MEI4: variants seen among roughly 807,000 people sequenced by gnomAD.
The protein encoded by MEI4 is meiosis-specific protein MEI4.
A neutral mutation model predicts 31.4 loss-of-function variants in MEI4; 27 were observed. The ratio of observed to expected loss-of-function variants is 0.86; its 90% CI spans 0.63 to 1.19. The LOEUF is 1.19. Among genes scored for constraint, MEI4 ranks in the 50% most tolerant of loss-of-function variants. The pLI is 0.00. For missense variants in MEI4, 329 were observed against 398.9 expected (o/e 0.82, Z 1.49); for synonymous variants, 122 against 145.4 (o/e 0.84, Z 1.16).
intron 3 of MEI4, among the ~76,000 whole-genome samples, chr6:77,779,590 C>T (rs774899334): frequency 1.4e-4 from 22 of 152,150 alleles, no homozygotes; most frequent in Non-Finnish European, 2.6e-4. Context: ...GCTTAAGACA[C>T]ACGTGCCTTT....
At chr6:77,792,601 C>A (rs184365088) in intron 3 of MEI4, among the ~76,000 whole-genome samples, 1 of 151,990 alleles carries the variant, frequency 6.6e-6, no homozygotes, top group Non-Finnish European at 1.5e-5. Context: ...AGTAATTTTA[C>A]ATTTTTTGTC....
chr6:77,712,341 A>G (rs1766483648), intron 2 of MEI4, among the ~76,000 whole-genome samples: 2 of 152,210 alleles, frequency 1.3e-5, no homozygotes, highest in South Asian at 4.2e-4. Context: ...AATAATGGGG[A>G]TATTATCTTT....
intron 4 of MEI4, among the ~76,000 whole-genome samples, chr6:77,866,411 T>A (rs994823449): frequency 2.0e-5 from 3 of 152,106 alleles, no homozygotes; most frequent in African/African-American, 7.2e-5. Context: ...TGTACAAAAG[T>A]CACAAGCATT....
chr6:77,908,296 T>G (rs556836770), intron 4 of MEI4, among the ~76,000 whole-genome samples: 2 of 152,200 alleles, frequency 1.3e-5, no homozygotes, highest in Non-Finnish European at 2.9e-5. Flanking sequence ...AACATTTAAG[T>G]CTTTAATCCA....
At chr6:77,849,374 T>C (rs1261821578) in intron 4 of MEI4, among the ~76,000 whole-genome samples, 1 of 152,104 alleles carries the variant, frequency 6.6e-6, no homozygotes, top group East Asian at 1.9e-4. Context: ...AAAGAAAGCA[T>C]TTCAGGTCAG....
intron 2 of MEI4, among the ~76,000 whole-genome samples, chr6:77,713,406 A>G (rs570001978): frequency 1.2e-4 from 15 of 124,898 alleles, no homozygotes; most frequent in Non-Finnish European, 2.6e-4. Context: ...TGAGAATTTT[A>G]TTGTTTAATT....
At position 77,795,775 on chromosome 6, in the gene MEI4, A is replaced by C. The variant is rs572334488; in HGVS notation, c.769-33156A>C. Among the ~76,000 whole-genome samples the C allele has an allele frequency of 4.6e-5, 7 of 151,952 alleles. No homozygotes were observed. In the South Asian group the frequency reaches 1.5e-3, roughly 32 times the overall value. On this transcript the variant is annotated intron_variant, in intron 3 of 4. Transcript: ENST00000684080. ...TAAAGAGATTGCATTGGAAAAAAAA[A>C]AAACTCCCAACAAATAAAAACCCAG...
At chr6:77,686,727 A>T (rs913694797) in intron 1 of MEI4, among the ~76,000 whole-genome samples, 9 of 152,038 alleles carry the variant, frequency 5.9e-5, no homozygotes, top group Non-Finnish European at 1.2e-4. Flanking sequence ...CTGATCATTT[A>T]TTGAAGGTGA....
chr6:77,730,620 A>C (rs1766955415), intron 2 of MEI4, among the ~76,000 whole-genome samples: 1 of 150,422 alleles, frequency 6.6e-6, no homozygotes, highest in Non-Finnish European at 1.5e-5. Flanking sequence ...TTATTTATTT[A>C]TTTACTTTTA....
intron 3 of MEI4, among the ~76,000 whole-genome samples, chr6:77,776,156 GTTTTTT>G (rs71809709): frequency 0.15 from 20,878 of 143,330 alleles, 1,521 homozygotes; most frequent in Middle Eastern, 0.22. Flanking sequence ...TCTGCTAATT[GTTTTTT>G]TTTTGTTTTT....
Position 77,665,007 on chromosome 6 carries a change from G to A in MEI4, c.-15+11915G>A, listed in dbSNP as rs545779570. Among the ~76,000 whole-genome samples the A allele has an allele frequency of 1.3e-3, 193 of 152,012 alleles. 1 individual carries two copies. The highest frequency in any genetic ancestry group is 4.0e-3 in the African/African-American group (166 of 41,420). On this transcript the variant is annotated intron_variant, in intron 1 of 4. Coordinates refer to ENST00000684080, the MANE Select transcript of MEI4 (RefSeq NM_001322247.2). ...GTAGAAGGAGGAATGGAGGGTGGAA[G>A]GTTGCCTGTAGTGAAGGAAGCAAGC... is the stretch of plus-strand genomic sequence containing the variant.
At chr6:77,668,016 A>G (rs993395143) in intron 1 of MEI4, among the ~76,000 whole-genome samples, 3 of 151,864 alleles carry the variant, frequency 2.0e-5, no homozygotes, top group Non-Finnish European at 4.4e-5. Flanking sequence ...ATCACCACCG[A>G]GACCTGACAG....
chr6:77,896,508 A>C (rs1766087995), intron 4 of MEI4, among the ~76,000 whole-genome samples: 1 of 152,108 alleles, frequency 6.6e-6, no homozygotes, highest in Admixed American at 6.6e-5. Flanking sequence ...GAATATGTTT[A>C]AATAAAGAAA....
At chr6:77,746,650 TG>T (rs1767615715) in intron 2 of MEI4, among the ~76,000 whole-genome samples, 1 of 116,662 alleles carries the variant, frequency 8.6e-6, no homozygotes, top group East Asian at 5.0e-4. Context: ...TGTGTGTGTG[TG>T]TGTGTGTGTG....
intron 4 of MEI4, among the ~76,000 whole-genome samples, chr6:77,887,032 TG>T (rs1302755545): frequency 6.6e-6 from 1 of 152,068 alleles, no homozygotes; most frequent in African/African-American, 2.4e-5. Context: ...TTTTATTCCT[TG>T]GGGTTTATTG....
At chr6:77,886,571 C>T (rs1326837274) in intron 4 of MEI4, among the ~76,000 whole-genome samples, 2 of 152,006 alleles carry the variant, frequency 1.3e-5, no homozygotes, top group Non-Finnish European at 2.9e-5. Flanking sequence ...GCTGGAATTA[C>T]AGGCACCCAC....
At chr6:77,880,204 G>T (rs990655517) in intron 4 of MEI4, among the ~76,000 whole-genome samples, 1 of 151,250 alleles carries the variant, frequency 6.6e-6, no homozygotes, top group African/African-American at 2.4e-5. Context: ...TGTCTCTCTT[G>T]AATGTATTAT....
chr6:77,889,409 A>G (rs1411934763), intron 4 of MEI4, among the ~76,000 whole-genome samples: 1 of 152,216 alleles, frequency 6.6e-6, no homozygotes, highest in East Asian at 1.9e-4. Context: ...ATACTTTAGC[A>G]AAGAGACTGG....
intron 4 of MEI4, among the ~76,000 whole-genome samples, chr6:77,886,667 A>C (rs926115019): frequency 2.6e-5 from 4 of 152,148 alleles, no homozygotes; most frequent in Non-Finnish European, 5.9e-5. Context: ...TCCCAACCTC[A>C]AGTGATCTGC....
Sources: allele counts gnomAD v4.1 joint callset (sites outside exome capture counted in the v4.1 genomes callset), GRCh38; gene constraint gnomAD v4.1.1; transcripts MANE v1.5; gene names NCBI Gene and HGNC (gene_info 2026-07-23, HGNC 2026-07-21).